DMD: variants seen among roughly 807,000 people sequenced by gnomAD.
The protein encoded by DMD is mutant dystrophin.
A neutral mutation model predicts 330.1 loss-of-function variants in DMD; 63 were observed. The ratio of observed to expected loss-of-function variants is 0.19; its 90% CI spans 0.16 to 0.24. DMD has a LOEUF of 0.24. DMD is among the 10% of genes least tolerant of loss of function. DMD has a pLI of 1.00. For synonymous variants in DMD, 1,223 were observed against 959.8 expected, an observed-to-expected ratio of 1.27 and a Z score of -5.07; for missense variants, 3,344 against 2,684.1, an observed-to-expected ratio of 1.25 and a Z score of -5.43.
chrX:32,600,187 AG>A (rs1427521051), intron 12 of DMD, among the ~76,000 whole-genome samples: 3 of 112,172 alleles, frequency 2.7e-5, no homozygotes, highest in African/African-American at 9.7e-5. Flanking sequence ...AAAGTGGCTT[AG>A]AAAAACCACT....
chrX:31,366,643 GACTTTA>G (rs905663173), intron 60 of DMD, among the ~76,000 whole-genome samples: 23 of 107,932 alleles, frequency 2.1e-4, no homozygotes, highest in East Asian at 1.2e-3. Context: ...ATATTTTAGG[GACTTTA>G]ACTTTGTCTT....
chrX:31,176,259 C>G (rs2040489813), intron 71 of DMD, among the ~76,000 whole-genome samples: 1 of 111,509 alleles, frequency 9.0e-6, no homozygotes, highest in African/African-American at 3.2e-5. Context: ...AATAATCTAA[C>G]CAACTCTTCA....
At chrX:32,419,521 T>C (rs963759544) in intron 29 of DMD, among the ~76,000 whole-genome samples, 1 of 112,164 alleles carries the variant, frequency 8.9e-6, no homozygotes, top group African/African-American at 3.2e-5. Flanking sequence ...CGGTAAATAA[T>C]TACAAAGATG....
intron 2 of DMD, among the ~76,000 whole-genome samples, chrX:32,878,103 C>T (rs543497179): frequency 3.6e-4 from 40 of 112,324 alleles, no homozygotes; most frequent in South Asian, 2.9e-3. Context: ...GGGCCGGGCG[C>T]GGTGGCTCAC....
At chrX:32,504,312 A>T (rs1307733860) in intron 18 of DMD, among the ~76,000 whole-genome samples, 1 of 112,028 alleles carries the variant, frequency 8.9e-6, no homozygotes, top group Non-Finnish European at 1.9e-5. Flanking sequence ...AAATTTCAAC[A>T]TTGAATATAT....
At chrX:33,324,669 A>C (rs1449120710) in intron 1 of DMD, among the ~76,000 whole-genome samples, 1 of 111,216 alleles carries the variant, frequency 9.0e-6, no homozygotes, top group Non-Finnish European at 1.9e-5. Flanking sequence ...TGTTCTTAAA[A>C]TGTGATCAAT....
At chrX:31,344,291 G>C (rs1454915593) in intron 61 of DMD, among the ~76,000 whole-genome samples, 2 of 111,477 alleles carry the variant, frequency 1.8e-5, no homozygotes, top group Non-Finnish European at 3.8e-5. Flanking sequence ...CCTGTAGAAA[G>C]AATCTGAGAT....
intron 2 of DMD, among the ~76,000 whole-genome samples, chrX:32,947,849 G>A (rs910501141): frequency 9.0e-6 from 1 of 111,256 alleles, no homozygotes; most frequent in Non-Finnish European, 1.9e-5. Context: ...GTGGGGTGGA[G>A]CGGAAACCCA....
At chrX:32,263,902 AAATGTAAATG>A (rs1161219753) in intron 43 of DMD, among the ~76,000 whole-genome samples, 2 of 112,152 alleles carry the variant, frequency 1.8e-5, no homozygotes, top group African/African-American at 6.5e-5. Context: ...CCAAAGGAAA[AAATGTAAATG>A]AAACTCACTT....
chrX:33,032,508 G>A (rs2094133148), intron 1 of DMD, among the ~76,000 whole-genome samples: 1 of 111,845 alleles, frequency 8.9e-6, no homozygotes, highest in Admixed American at 9.5e-5. Context: ...AAAAAAGAGA[G>A]GGTTGTATTC....
intron 44 of DMD, among the ~76,000 whole-genome samples, chrX:32,047,148 T>C (rs983639627): frequency 9.0e-6 from 1 of 111,519 alleles, no homozygotes; most frequent in Non-Finnish European, 1.9e-5. Context: ...AGAGTAATAA[T>C]TGACCTTATG....
At chrX:31,608,429 C>A (rs1041829335) in intron 55 of DMD, among the ~76,000 whole-genome samples, 4 of 111,263 alleles carry the variant, frequency 3.6e-5, no homozygotes, top group African/African-American at 1.3e-4. Context: ...AAGGGAACAT[C>A]TACTTTTTGG....
chrX:33,283,791 G>T (rs748402706), intron 1 of DMD, among the ~76,000 whole-genome samples: 5 of 110,504 alleles, frequency 4.5e-5, no homozygotes, highest in African/African-American at 9.9e-5. Flanking sequence ...GGCCGAGGCG[G>T]GTGGATCACA....
intron 34 of DMD, among the ~76,000 whole-genome samples, chrX:32,367,077 G>T (rs745669558): frequency 1.8e-5 from 2 of 112,047 alleles, no homozygotes; most frequent in African/African-American, 6.5e-5. Flanking sequence ...AGAATCATAT[G>T]TAATTCTCCT....
intron 7 of DMD, among the ~76,000 whole-genome samples, chrX:32,722,892 T>C (rs1409725884): frequency 1.8e-5 from 2 of 109,112 alleles, no homozygotes; most frequent in East Asian, 2.8e-4. Flanking sequence ...TAATATTACT[T>C]CTTCCTTTCA....
chrX:32,850,044 AAG>A (rs1158287632), intron 2 of DMD, among the ~76,000 whole-genome samples: 1 of 112,205 alleles, frequency 8.9e-6, no homozygotes, highest in Non-Finnish European at 1.9e-5. Flanking sequence ...TAGCAAGAGT[AAG>A]AGATTTATAC....
At chrX:32,193,271 T>C (rs1393791719) in intron 44 of DMD, among the ~76,000 whole-genome samples, 4 of 111,917 alleles carry the variant, frequency 3.6e-5, no homozygotes, top group African/African-American at 1.3e-4. Flanking sequence ...TATTTCTTTA[T>C]AGCAATGCAA....
chrX:32,320,458 A>G (rs2097607124), intron 41 of DMD, among the ~76,000 whole-genome samples: 1 of 112,041 alleles, frequency 8.9e-6, no homozygotes, highest in Non-Finnish European at 1.9e-5. Flanking sequence ...TGTTTTTACT[A>G]GCCATGTTTT....
At chrX:32,555,101 C>G (rs2050152530) in intron 16 of DMD, among the ~76,000 whole-genome samples, 1 of 110,184 alleles carries the variant, frequency 9.1e-6, no homozygotes, top group South Asian at 4.0e-4. Context: ...AGCTTATCCA[C>G]CACAATCAAG....
Sources: gnomAD v4.1 joint callset for allele counts (sites outside exome capture counted in the v4.1 genomes callset) on GRCh38, gnomAD v4.1.1 for gene constraint, MANE v1.5 for transcripts, NCBI Gene and HGNC (gene_info 2026-07-23, HGNC 2026-07-21) for gene names.